The following STXBP6 variants were observed in gnomAD, a reference collection of about 807,000 sequenced individuals.
STXBP6 encodes the protein syntaxin-binding protein 6.
A neutral mutation model predicts 26.9 loss-of-function variants in STXBP6; 21 were observed. The ratio of observed to expected loss-of-function variants is 0.78; its 90% confidence interval spans 0.55 to 1.12. The LOEUF is 1.12. Ranked by LOEUF, STXBP6 falls within the 50% of genes most tolerant of loss-of-function variation. The pLI is 0.00. For synonymous variants in STXBP6, 97 were observed against 92.6 expected, an observed-to-expected ratio of 1.05 and a Z score of -0.27; for missense variants, 232 against 257.9, an observed-to-expected ratio of 0.90 and a Z score of 0.69.
intron 1 of STXBP6, among the ~76,000 whole-genome samples, chr14:24,995,488 A>G (rs2074579520): frequency 6.6e-6 from 1 of 152,122 alleles, no homozygotes; most frequent in South Asian, 2.1e-4. Context: ...ATTAATTCCT[A>G]CTAGGGAGAT....
intron 5 of STXBP6, among the ~76,000 whole-genome samples, chr14:24,814,727 T>TA (rs1404012139): frequency 2.0e-5 from 3 of 152,248 alleles, no homozygotes; most frequent in Admixed American, 2.0e-4. Flanking sequence ...GTGATACTAT[T>TA]AGAAGGTGGA....
intron 4 of STXBP6, 124 bp from the exon 5 acceptor site, chr14:24,819,318 T>A (rs761918225): frequency 1.8e-6 from 2 of 1,111,834 alleles, no homozygotes; most frequent in Non-Finnish European, 1.3e-6. Context: ...GCTCGTCTAG[T>A]GTCTAGGAAA....
At chr14:24,885,916 A>C (rs1197740966) in intron 2 of STXBP6, among the ~76,000 whole-genome samples, 1 of 152,220 alleles carries the variant, frequency 6.6e-6, no homozygotes, top group Non-Finnish European at 1.5e-5. Flanking sequence ...TTTGAGTCCC[A>C]GAAAATAAAT....
chr14:24,918,306 G>A (rs1356295553), intron 2 of STXBP6, among the ~76,000 whole-genome samples: 1 of 151,900 alleles, frequency 6.6e-6, no homozygotes, highest in Non-Finnish European at 1.5e-5. Context: ...AAAGAAACAA[G>A]TAGATGAGGG....
chr14:24,969,032 G>T (rs1007100200), intron 2 of STXBP6, among the ~76,000 whole-genome samples: 1 of 152,048 alleles, frequency 6.6e-6, no homozygotes, highest in African/African-American at 2.4e-5. Context: ...ACCTAGGGCT[G>T]CCAATCACTG....
intron 2 of STXBP6, among the ~76,000 whole-genome samples, chr14:24,865,357 C>T (rs913423203): frequency 7.9e-5 from 12 of 151,950 alleles, no homozygotes; most frequent in South Asian, 2.1e-4. Context: ...CTGTGGTGCA[C>T]GGAGGAATAA....
chr14:24,962,626 G>A (rs1423460282), intron 2 of STXBP6, among the ~76,000 whole-genome samples: 1 of 152,026 alleles, frequency 6.6e-6, no homozygotes, highest in Non-Finnish European at 1.5e-5. Context: ...TAATAATATT[G>A]TCAAATACAA....
At position 24,987,092 on chromosome 14, in the gene STXBP6, ATAC is replaced by A. The variant is rs149577047; in HGVS notation, c.-32-12245_-32-12243del. Among the ~76,000 whole-genome samples the A allele has an allele frequency of 1.3e-3, 196 of 152,322 alleles. 1 individual carries two copies. The highest frequency in any genetic ancestry group is 4.5e-3 in the African/African-American group (186 of 41,562). On this transcript the variant is annotated intron_variant, in intron 1 of 5. Coordinates refer to ENST00000323944, the MANE Select transcript of STXBP6 (RefSeq NM_001394410.1). Reference sequence around the variant, plus strand: ...AAGGAAAAAAAAATCTATCAATTGAATACTACCCTAATATGAACTCAATTAACA... The same window carrying A: ...AAGGAAAAAAAAATCTATCAATTGAATACCCTAATATGAACTCAATTAACA...
chr14:24,996,001 G>C (rs1240561649), intron 1 of STXBP6, among the ~76,000 whole-genome samples: 1 of 152,062 alleles, frequency 6.6e-6, no homozygotes, highest in African/African-American at 2.4e-5. Context: ...TCTTTATGTT[G>C]ATCTATATAT....
chr14:25,002,361 T>TTTTTTTTTCTTTTTTTCTTTTC (rs2074782857), intron 1 of STXBP6, among the ~76,000 whole-genome samples: 1 of 140,668 alleles, frequency 7.1e-6, no homozygotes, highest in African/African-American at 2.7e-5. Flanking sequence ...TCTTATGACT[T>TTTTTTTTTCTTTTTTTCTTTTC]TTTTTTTTTT....
intron 2 of STXBP6, among the ~76,000 whole-genome samples, chr14:24,924,316 A>C (rs1277737767): frequency 6.6e-6 from 1 of 152,180 alleles, no homozygotes; most frequent in Non-Finnish European, 1.5e-5. Flanking sequence ...AAAATGGCCC[A>C]AAAAAGTTCT....
At chr14:24,961,537 TCAGAAA>T (rs1156291734) in intron 2 of STXBP6, among the ~76,000 whole-genome samples, 1 of 151,332 alleles carries the variant, frequency 6.6e-6, no homozygotes, top group Non-Finnish European at 1.5e-5. Flanking sequence ...GTGAAGTAAC[TCAGAAA>T]CAGAACATCA....
intron 4 of STXBP6, among the ~76,000 whole-genome samples, chr14:24,838,698 A>G (rs1371444008): frequency 1.3e-5 from 2 of 152,002 alleles, no homozygotes; most frequent in Non-Finnish European, 2.9e-5. Context: ...AAAAAAGAGA[A>G]AAAAGAAAAA....
Position 24,857,010 on chromosome 14 carries a change from T to C in STXBP6, c.285+17A>G, listed in dbSNP as rs377324102. On this transcript the variant is annotated intron_variant, in intron 3 of 5. Transcript: ENST00000323944. ...GTGAAAAGAATGCCTTTGCTCAGCA[T>C]TGGACAATTCACTCACCCCATTAGG... 9.3e-6 allele frequency: 15 copies of C among 1,611,900 alleles called. No individual in the cohort carries two copies. The highest frequency in any genetic ancestry group is 1.7e-4 in the Middle Eastern group (1 of 6,034).
chr14:24,986,938 C>T (rs998075687), intron 1 of STXBP6, among the ~76,000 whole-genome samples: 2 of 152,164 alleles, frequency 1.3e-5, no homozygotes, highest in Admixed American at 1.3e-4. Flanking sequence ...GACTCAAAGT[C>T]CATATGCAAA....
rs2138637922 is a variant in STXBP6 at position 24,810,613 on chromosome 14, A to G, written c.*2096T>C. 1 of 152,314 alleles carries G rather than the reference A, an allele frequency of 6.6e-6. No homozygotes were observed. Among genetic ancestry groups the G allele is most frequent in the African/African-American group, 2.4e-5 (1 of 41,570 alleles). 9.4% of individuals were successfully genotyped at this position (152,314 alleles called of 1,614,324 possible). A position where few individuals can be genotyped will look rare whatever the true frequency, so the allele number is the denominator to read the frequency against. On this transcript the variant is annotated 3_prime_UTR_variant, in exon 6 of 6. Transcript: ENST00000323944. Reference sequence around the variant, plus strand: ...GAGGAAAGAGGGCAAGACATGGAATACTTATATTTATCAAGAGTAACTATT... The same window carrying G: ...GAGGAAAGAGGGCAAGACATGGAATGCTTATATTTATCAAGAGTAACTATT...
chr14:24,898,063 C>A (rs1281076387), intron 2 of STXBP6, among the ~76,000 whole-genome samples: 2 of 152,186 alleles, frequency 1.3e-5, no homozygotes, highest in Admixed American at 1.3e-4. Context: ...GCAATCAGAG[C>A]TGCTGAGCTC....
chr14:24,952,353 T>C (rs1178980541), intron 2 of STXBP6, among the ~76,000 whole-genome samples: 1 of 150,968 alleles, frequency 6.6e-6, no homozygotes, highest in Non-Finnish European at 1.5e-5. Context: ...TAAATGCACG[T>C]AGTTAATCTG....
chr14:24,894,904 TA>T (rs2070934377), intron 2 of STXBP6, among the ~76,000 whole-genome samples: 1 of 130,406 alleles, frequency 7.7e-6, no homozygotes. Context: ...TTTTTTTTTT[TA>T]ATGCTCAGGA....
Sources: gnomAD v4.1 joint callset for allele counts (sites outside exome capture counted in the v4.1 genomes callset) on GRCh38, gnomAD v4.1.1 for gene constraint, MANE v1.5 for transcripts, NCBI Gene and HGNC (gene_info 2026-07-23, HGNC 2026-07-21) for gene names.